Variants in VAV3 observed in about 807,000 individuals in gnomAD.
The protein encoded by VAV3 is vav guanine nucleotide exchange factor 3, also known as guanine nucleotide exchange factor VAV3.
VAV3 carries 94 observed loss-of-function variants against 131.2 expected under a neutral mutation model. The observed-to-expected ratio is 0.72, with a 90% confidence interval of 0.61 to 0.85. The LOEUF is 0.85. Ranked by LOEUF, VAV3 falls within the 40% of genes least tolerant of loss-of-function variation. The pLI, the probability that VAV3 is intolerant of heterozygous loss-of-function variation, is 0.00. For missense variants in VAV3, 939 were observed against 1,002.7 expected, an observed-to-expected ratio of 0.94 and a Z score of 0.86; for synonymous variants, 349 against 342.0, an observed-to-expected ratio of 1.02 and a Z score of -0.22.
intron 25 of VAV3, among the ~76,000 whole-genome samples, chr1:107,575,063 T>C (rs1443533483): frequency 6.6e-6 from 1 of 151,548 alleles, no homozygotes; most frequent in Admixed American, 6.6e-5. Context: ...GAGCTAACTT[T>C]CTCCCTGGCC....
intron 1 of VAV3, among the ~76,000 whole-genome samples, chr1:107,880,171 G>A (rs1670697788): frequency 6.6e-6 from 1 of 152,178 alleles, no homozygotes; most frequent in Non-Finnish European, 1.5e-5. Flanking sequence ...CTCCTTGAGA[G>A]CCCTAGGGTA....
intron 1 of VAV3, among the ~76,000 whole-genome samples, chr1:107,880,642 A>G (rs1341179113): frequency 6.6e-6 from 1 of 152,074 alleles, no homozygotes; most frequent in Non-Finnish European, 1.5e-5. Context: ...CTAAAAATAC[A>G]AAGATTAGCT....
chr1:107,882,388 C>A (rs1670824027), intron 1 of VAV3, among the ~76,000 whole-genome samples: 1 of 152,074 alleles, frequency 6.6e-6, no homozygotes, highest in Non-Finnish European at 1.5e-5. Context: ...TATGAGTGGC[C>A]ATTATAATAA....
intron 22 of VAV3, 48 bp from the exon 23 acceptor site, chr1:107,603,211 G>GAA: frequency 7.2e-7 from 1 of 1,393,312 alleles, no homozygotes; most frequent in Non-Finnish European, 1.0e-6. Flanking sequence ...ACCTGGAAGA[G>GAA]AACAGAGGCT....
intron 25 of VAV3, among the ~76,000 whole-genome samples, chr1:107,574,963 C>CTCTCTGTGTGTGTGTGTGTGTGTGTG (rs1304869776): frequency 2.5e-5 from 2 of 81,112 alleles, no homozygotes; most frequent in African/African-American, 9.0e-5. Flanking sequence ...TTGAGTTTCT[C>CTCTCTGTGTGTGTGTGTGTGTGTGTG]TGTGTGTGTG....
intron 1 of VAV3, among the ~76,000 whole-genome samples, chr1:107,944,522 G>T (rs920904619): frequency 6.6e-6 from 1 of 152,156 alleles, no homozygotes. Context: ...CCTAATGAGG[G>T]CTTTGAATAT....
intron 2 of VAV3, among the ~76,000 whole-genome samples, chr1:107,798,495 G>A (rs887009282): frequency 1.3e-5 from 2 of 151,864 alleles, no homozygotes; most frequent in African/African-American, 4.8e-5. Flanking sequence ...GAGGTGGGCG[G>A]ATCATGAGGT....
chr1:107,950,847 G>A (rs1444186309), intron 1 of VAV3, among the ~76,000 whole-genome samples: 1 of 152,194 alleles, frequency 6.6e-6, no homozygotes, highest in African/African-American at 2.4e-5. Context: ...TGGCTTAGTA[G>A]ATGTGAGGGA....
At chr1:107,794,551 TAA>T (rs1666448643) in intron 2 of VAV3, among the ~76,000 whole-genome samples, 1 of 152,244 alleles carries the variant, frequency 6.6e-6, no homozygotes, top group Non-Finnish European at 1.5e-5. Flanking sequence ...TCTTTCATTC[TAA>T]GTCTTTGCTG....
intron 5 of VAV3, among the ~76,000 whole-genome samples, chr1:107,771,515 A>C (rs1484761679): frequency 6.6e-6 from 1 of 152,178 alleles, no homozygotes; most frequent in Non-Finnish European, 1.5e-5. Flanking sequence ...GGCCTCTCAG[A>C]GTGCTGGGAT....
In VAV3 at chr1:107,721,081, T is replaced by C. The variant is rs187656838; in HGVS notation, c.1503-16020A>G. On this transcript the variant is annotated intron_variant, in intron 15 of 26. Coordinates refer to ENST00000370056, the MANE Select transcript of VAV3 (RefSeq NM_006113.5). ...TATGGGTGAACAGATTTTAAGTTAA[T>C]GTCCAGAGTTCTAGGGTGGACTGGA... Among the ~76,000 whole-genome samples, 3 of 152,306 alleles carry C rather than the reference T, an allele frequency of 2.0e-5. No individual in the cohort carries two copies. In the East Asian group the frequency reaches 5.8e-4, roughly 29 times the overall value.
chr1:107,656,384 T>A (rs1263498587), intron 19 of VAV3, among the ~76,000 whole-genome samples: 1 of 152,164 alleles, frequency 6.6e-6, no homozygotes, highest in East Asian at 1.9e-4. Context: ...ATATTGCATG[T>A]TCTCCCTCCT....
intron 2 of VAV3, among the ~76,000 whole-genome samples, chr1:107,848,750 AG>A (rs1187458043): frequency 1.3e-5 from 2 of 152,176 alleles, no homozygotes; most frequent in African/African-American, 4.8e-5. Flanking sequence ...AAAGAAATAA[AG>A]GGCATTCAAA....
At chr1:107,765,232 G>C in intron 8 of VAV3, 57 bp from the exon 9 acceptor site, 1 of 1,309,922 alleles carries the variant, frequency 7.6e-7, no homozygotes. Flanking sequence ...TGAACTGGAG[G>C]GGGAAACAAG....
chr1:107,825,397 A>G (rs1667968615), intron 2 of VAV3, among the ~76,000 whole-genome samples: 1 of 152,072 alleles, frequency 6.6e-6, no homozygotes, highest in South Asian at 2.1e-4. Flanking sequence ...AAAAATGAGA[A>G]TCTATATGAT....
Position 107,749,011 on chromosome 1 carries a change from T to C in VAV3, c.1459A>G (p.Lys487Glu). 1.2e-6 allele frequency: 2 copies of C among 1,612,500 alleles called. No homozygotes were observed. The highest frequency in any genetic ancestry group is 1.7e-6 in the Non-Finnish European group (2 of 1,179,284). The change falls in exon 15 of 27, where the codon AAA (lysine) becomes GAA (glutamate). Residue 487 changes from lysine to glutamate, a missense_variant. By Grantham distance (56) the Lys-to-Glu change is moderately conservative. Transcript: ENST00000370056. ...QNGLEFYCKT[K>E]DLKKKWLEQF... ...TCTAGCCATTTCTTCTTTAAATCTT[T>C]TGTTTTGCAATAAAATTCTAACCCA...
intron 25 of VAV3, among the ~76,000 whole-genome samples, chr1:107,590,844 C>G (rs1332370311): frequency 6.6e-6 from 1 of 152,176 alleles, no homozygotes; most frequent in Non-Finnish European, 1.5e-5. Context: ...GCTTATCCCT[C>G]TCACGGACAT....
At chr1:107,831,264 T>G (rs553508993) in intron 2 of VAV3, among the ~76,000 whole-genome samples, 1 of 152,276 alleles carries the variant, frequency 6.6e-6, no homozygotes, top group Admixed American at 6.5e-5. Flanking sequence ...TTTAAAATAA[T>G]ATATGACATA....
At chr1:107,735,343 G>C (rs962432600) in intron 15 of VAV3, among the ~76,000 whole-genome samples, 1 of 152,084 alleles carries the variant, frequency 6.6e-6, no homozygotes. Flanking sequence ...CAAAAGGTAA[G>C]AAATAACTAA....
Sources: gnomAD v4.1 joint callset for allele counts (sites outside exome capture counted in the v4.1 genomes callset) on GRCh38, gnomAD v4.1.1 for gene constraint, MANE v1.5 for transcripts, NCBI Gene and HGNC (gene_info 2026-07-23, HGNC 2026-07-21) for gene names.